L3MBTL3: variants seen among roughly 807,000 people sequenced by gnomAD.
L3MBTL3 encodes the protein L3MBTL histone methyl-lysine binding protein 3.
In L3MBTL3, 27 loss-of-function variants were observed where a neutral mutation model predicts 102.3. The observed-to-expected ratio is 0.26, with a 90% CI of 0.19 to 0.36. The LOEUF (loss-of-function observed/expected upper bound fraction) is 0.36, where lower values mean the gene tolerates loss of function less well. L3MBTL3 is among the 10% of genes least tolerant of loss of function. The pLI is 1.00. For missense variants in L3MBTL3, 798 were observed against 955.3 expected (o/e 0.84, Z 2.17); for synonymous variants, 340 against 320.9 (o/e 1.06, Z -0.64).
intron 3 of L3MBTL3, 66 bp from the exon 4 acceptor site, chr6:130,049,216 C>T: frequency 1.1e-6 from 1 of 882,850 alleles, no homozygotes. Flanking sequence ...ATGTGTCAGC[C>T]ATTAAATAAT....
At chr6:130,049,889 C>T (rs1200510471) in intron 5 of L3MBTL3, 59 bp downstream of exon 5, 36 of 1,551,232 alleles carry the variant, frequency 2.3e-5, no homozygotes, top group Non-Finnish European at 3.1e-5. Context: ...TCTCCCCTCC[C>T]CACAAACCTG....
At chr6:130,034,213 A>G (rs996755517) in intron 2 of L3MBTL3, among the ~76,000 whole-genome samples, 2 of 152,216 alleles carry the variant, frequency 1.3e-5, no homozygotes, top group African/African-American at 4.8e-5. Flanking sequence ...AAGGACACAC[A>G]AACTGTTTAT....
rs944565220 is a variant in L3MBTL3 at position 130,104,661 on chromosome 6, G to A, written c.1886+86G>A. The A allele has an allele frequency of 8.0e-6, 8 of 1,002,808 alleles. No homozygotes were observed. In the African/African-American group the frequency reaches 1.0e-4, roughly 13 times the overall value. 62.1% of individuals were successfully genotyped at this position (1,002,808 alleles called of 1,614,324 possible). A position where few individuals can be genotyped will look rare whatever the true frequency, so the allele number is the denominator to read the frequency against. On this transcript the variant is annotated intron_variant, in intron 19 of 22. Transcript: ENST00000361794. ...TCTTTTAGATATTTTATTTCCTATA[G>A]CAATGTTTTCTTGGAGATTGTTGAA...
intron 2 of L3MBTL3, among the ~76,000 whole-genome samples, chr6:130,041,576 C>G (rs1384391616): frequency 6.6e-6 from 1 of 152,116 alleles, no homozygotes; most frequent in Non-Finnish European, 1.5e-5. Flanking sequence ...CTTTGAATGT[C>G]ATTATGAACT....
At chr6:130,124,951 C>T (rs1301421656) in intron 20 of L3MBTL3, among the ~76,000 whole-genome samples, 1 of 150,074 alleles carries the variant, frequency 6.7e-6, no homozygotes, top group Non-Finnish European at 1.5e-5. Flanking sequence ...GCCTGGGCAA[C>T]AAGAGCGAAA....
chr6:130,042,805 A>G lies in L3MBTL3; in HGVS notation c.102+4A>G, dbSNP rs766052465. The G allele has an allele frequency of 7.0e-6, 11 of 1,578,532 alleles. No individual in the cohort carries two copies. The highest frequency in any genetic ancestry group is 2.2e-5 in the East Asian group (1 of 44,682). On this transcript the variant is annotated splice_donor_region_variant and intron_variant, in intron 3 of 22. Coordinates refer to ENST00000361794, the MANE Select transcript of L3MBTL3 (RefSeq NM_032438.4). The stretch of plus-strand genomic sequence containing the variant: ...GTTACCAGGAAGTGACTTAAAGGTA[A>G]ACCCTCTTTATTACATACAATTATG...
In L3MBTL3 at chr6:130,140,226, G is replaced by C. The variant is rs1163821646; in HGVS notation, c.*473G>C. 6.5e-6 allele frequency: 1 copy of C among 154,314 alleles called. No individual in the cohort carries two copies. The highest frequency in any genetic ancestry group is 1.4e-5 in the Non-Finnish European group (1 of 69,370). The allele number at this position is 154,314 out of a possible 1,614,324, so 9.6% of individuals were successfully genotyped here. A position where few individuals can be genotyped will look rare whatever the true frequency, so the allele number is the denominator to read the frequency against. On this transcript the variant is annotated 3_prime_UTR_variant, in exon 23 of 23. Coordinates refer to ENST00000361794, the MANE Select transcript of L3MBTL3 (RefSeq NM_032438.4). ...AGTTTAGCCAGTAGGACTGTTATCT[G>C]TATTGTTAATTTTGTGCCATATTTT...
rs1378501525 is a variant in L3MBTL3, at chr6:130,066,483, C to T, written c.995C>T (p.Pro332Leu). Reference sequence around the variant, plus strand: ...AAAACCGGCCACAAACTCCATCCTCCAAAAGGTTTTGTCACTTTTTGTTTG... The same window carrying T: ...AAAACCGGCCACAAACTCCATCCTCTAAAAGGTTTTGTCACTTTTTGTTTG... ...CEKTGHKLHP[P>L]KGYKEEEFNW... The change falls in exon 11 of 23, where the codon CCA becomes CTA. Residue 332 changes from proline to leucine, a missense_variant. By Grantham distance (98) the Pro-to-Leu change is moderately conservative. Transcript: ENST00000361794. 2 of 1,608,536 alleles carry T rather than the reference C, an allele frequency of 1.2e-6. No individual in the cohort carries two copies. The highest frequency in any genetic ancestry group is 1.7e-6 in the Non-Finnish European group (2 of 1,177,840).
intron 22 of L3MBTL3, among the ~76,000 whole-genome samples, chr6:130,134,440 T>C (rs1787396536): frequency 6.6e-6 from 1 of 152,206 alleles, no homozygotes; most frequent in Non-Finnish European, 1.5e-5. Context: ...GATTATTTTA[T>C]TAGTTGTTTT....
chr6:130,090,060 C>T (rs532047207), intron 16 of L3MBTL3, among the ~76,000 whole-genome samples: 1 of 152,248 alleles, frequency 6.6e-6, no homozygotes, highest in South Asian at 2.1e-4. Flanking sequence ...TCCTGGATCA[C>T]ATACTTTGCT....
intron 18 of L3MBTL3, 46 bp from the exon 19 acceptor site, chr6:130,104,380 G>A: frequency 7.2e-7 from 1 of 1,393,808 alleles, no homozygotes; most frequent in Non-Finnish European, 9.6e-7. Flanking sequence ...TGGCCTAATG[G>A]AAATGTTCAA....
intron 20 of L3MBTL3, among the ~76,000 whole-genome samples, chr6:130,122,856 G>A (rs762339079): frequency 5.9e-5 from 9 of 152,134 alleles, no homozygotes; most frequent in Admixed American, 1.3e-4. Flanking sequence ...TGTGTAAAAT[G>A]GATGTAGTAA....
intron 14 of L3MBTL3, among the ~76,000 whole-genome samples, chr6:130,080,574 G>A (rs1783272896): frequency 6.6e-6 from 1 of 152,108 alleles, no homozygotes; most frequent in Admixed American, 6.5e-5. Flanking sequence ...TGGAAGGAGT[G>A]GTGTAAGGCG....
rs756618878 is a variant in L3MBTL3, at chr6:130,133,670, C to T, written c.2136+49C>T. On this transcript the variant is annotated intron_variant, in intron 21 of 22. Coordinates refer to ENST00000361794, the MANE Select transcript of L3MBTL3 (RefSeq NM_032438.4). This position sits in a 1 kb window ranked among gnomAD's most constrained non-coding sequence, Gnocchi z 4.9. ...CCGACACCAGATACAGGATTACTGG[C>T]TTAAGAGGTGTGGAACATTGAGCGT... is the stretch of plus-strand genomic sequence containing the variant. 1.8e-5 allele frequency: 28 copies of T among 1,597,140 alleles called. No homozygotes were observed. Among genetic ancestry groups the T allele is most frequent in the Admixed American group, 1.5e-4 (9 of 59,508 alleles).
chr6:130,023,827 A>T (rs1246848912), intron 2 of L3MBTL3, among the ~76,000 whole-genome samples: 3 of 152,124 alleles, frequency 2.0e-5, no homozygotes, highest in African/African-American at 4.8e-5. Flanking sequence ...TTGGTTTCTG[A>T]TGTGTGTATT....
At chr6:130,041,811 C>T (rs1348830136) in intron 2 of L3MBTL3, among the ~76,000 whole-genome samples, 1 of 152,128 alleles carries the variant, frequency 6.6e-6, no homozygotes, top group Non-Finnish European at 1.5e-5. Context: ...ACATTTCCTG[C>T]TATTGAGCAG....
chr6:130,075,689 C>T (rs1782906984), intron 13 of L3MBTL3, among the ~76,000 whole-genome samples: 1 of 152,098 alleles, frequency 6.6e-6, no homozygotes, highest in Admixed American at 6.6e-5. Flanking sequence ...GCACCATGAG[C>T]ATTTTTGAGC....
At chr6:130,029,851 A>G (rs910907396) in intron 2 of L3MBTL3, among the ~76,000 whole-genome samples, 1 of 152,036 alleles carries the variant, frequency 6.6e-6, no homozygotes, top group Non-Finnish European at 1.5e-5. Context: ...ACAGAGTCTC[A>G]GTCTGTCACC....
At position 130,140,310 on chromosome 6, in the gene L3MBTL3, T is replaced by C. The variant is rs1159789866; in HGVS notation, c.*557T>C. On this transcript the variant is annotated 3_prime_UTR_variant, in exon 23 of 23. Transcript: ENST00000361794. ...AGTCATGATATTGCCTAACTGCTTG[T>C]CATAATTGTCAGGGCTGAATAGTTG... 6.5e-6 allele frequency: 1 copy of C among 152,770 alleles called. No homozygotes were observed. 9.5% of individuals were successfully genotyped at this position (152,770 alleles called of 1,614,324 possible).
Sources: gnomAD v4.1 joint callset for allele counts (sites outside exome capture counted in the v4.1 genomes callset) on GRCh38, gnomAD v4.1.1 for gene constraint, Gnocchi (gnomAD v3.1) non-coding constraint, MANE v1.5 for transcripts, NCBI Gene and HGNC (gene_info 2026-07-23, HGNC 2026-07-21) for gene names.